The following SPIDR variants were observed in gnomAD, a reference collection of about 807,000 sequenced individuals.
SPIDR encodes the protein scaffold protein involved in DNA repair.
A neutral mutation model predicts 104.6 loss-of-function variants in SPIDR; 93 were observed. The ratio of observed to expected loss-of-function variants is 0.89; its 90% CI spans 0.75 to 1.06. SPIDR has a LOEUF of 1.06. Among genes scored for constraint, SPIDR ranks in the 50% least tolerant of loss-of-function variants. The pLI, the probability that SPIDR is intolerant of heterozygous loss-of-function variation, is 0.00. For synonymous variants in SPIDR, 431 were observed against 416.9 expected (o/e 1.03, Z -0.41); for missense variants, 1,154 against 1,111.2 (o/e 1.04, Z -0.55).
chr8:47,727,219 C>T lies in SPIDR; in HGVS notation c.2361C>T (p.Asp787=), dbSNP rs148626938. The T allele has an allele frequency of 4.0e-4, 652 of 1,614,064 alleles. 2 individuals are homozygous for T. In the African/African-American group the frequency reaches 8.0e-3, roughly 20 times the overall value. ...CSVQGTVVGV[D]ESTAFSWPVC... ...GCCTAGGCACTGTGGTTGGCGTGGACGAGAGCACTGCTTTCTCATGGCCTG... is the reference window on the plus strand; with the variant it reads ...GCCTAGGCACTGTGGTTGGCGTGGATGAGAGCACTGCTTTCTCATGGCCTG... Residue 787 remains aspartate (D), a synonymous_variant, in exon 17 of 20, where the codon GAC becomes GAT. Coordinates refer to ENST00000297423, the MANE Select transcript of SPIDR (RefSeq NM_001080394.4).
intron 10 of SPIDR, among the ~76,000 whole-genome samples, chr8:47,631,000 C>T (rs912533597): frequency 1.3e-5 from 2 of 152,124 alleles, no homozygotes; most frequent in Admixed American, 1.3e-4. Context: ...CAACAACAGC[C>T]CCCAGCACCC....
At chr8:47,595,003 A>AG (rs1387072581) in intron 8 of SPIDR, among the ~76,000 whole-genome samples, 79 of 152,208 alleles carry the variant, frequency 5.2e-4, no homozygotes, top group Non-Finnish European at 1.3e-4. Flanking sequence ...TCTCAAAAAA[A>AG]GAAAAAGAAA....
intron 8 of SPIDR, among the ~76,000 whole-genome samples, chr8:47,564,887 A>G (rs994602216): frequency 6.6e-6 from 1 of 152,154 alleles, no homozygotes; most frequent in Non-Finnish European, 1.5e-5. Flanking sequence ...TCCTTATTGC[A>G]AGAAGTATCA....
intron 6 of SPIDR, among the ~76,000 whole-genome samples, chr8:47,397,491 G>A (rs1554659253): frequency 2.0e-5 from 3 of 152,164 alleles, no homozygotes; most frequent in South Asian, 2.1e-4. Flanking sequence ...GCAAGACTCC[G>A]TCTCTAAAAA....
intron 1 of SPIDR, among the ~76,000 whole-genome samples, chr8:47,264,237 T>C (rs2033341303): frequency 6.6e-6 from 1 of 152,134 alleles, no homozygotes; most frequent in Non-Finnish European, 1.5e-5. Flanking sequence ...GTTGACAGAC[T>C]ACAAATGGAA....
At chr8:47,452,438 A>G (rs1312074204) in intron 8 of SPIDR, among the ~76,000 whole-genome samples, 1 of 152,212 alleles carries the variant, frequency 6.6e-6, no homozygotes, top group African/African-American at 2.4e-5. Flanking sequence ...AATATCCCTG[A>G]TGAACATCAA....
chr8:47,263,493 A>T (rs2033086788), intron 1 of SPIDR, among the ~76,000 whole-genome samples: 2 of 151,822 alleles, frequency 1.3e-5, no homozygotes, highest in African/African-American at 2.4e-5. Context: ...AATTTTTTTT[A>T]AATTTTTATT....
chr8:47,291,029 A>T lies in SPIDR; in HGVS notation c.257-4A>T. 6.2e-7 allele frequency: 1 copy of T among 1,602,934 alleles called. No individual in the cohort carries two copies. The highest frequency in any genetic ancestry group is 1.1e-5 in the South Asian group (1 of 89,314). On this transcript the variant is annotated splice_region_variant and splice_polypyrimidine_tract_variant and intron_variant, in intron 3 of 19. Transcript: ENST00000297423. ...TATTTATGTGCTTTCTTTTCCTTCA[A>T]CAGAAACCACCACATCTAAAAGCAC...
intron 8 of SPIDR, among the ~76,000 whole-genome samples, chr8:47,510,683 C>G (rs2082183595): frequency 1.3e-5 from 2 of 152,004 alleles, no homozygotes; most frequent in South Asian, 4.1e-4. Flanking sequence ...TAGGAAGTTA[C>G]AAGTGAAAAA....
chr8:47,735,650 C>A lies in SPIDR; in HGVS notation c.*200C>A, dbSNP rs2086176910. 9.1e-7 allele frequency: 1 copy of A among 1,098,248 alleles called. No individual in the cohort carries two copies. Among genetic ancestry groups the A allele is most frequent in the South Asian group, 1.7e-5 (1 of 58,580 alleles). 68.0% of individuals were successfully genotyped at this position (1,098,248 alleles called of 1,614,324 possible). ...CAAAATACCTTTTTCTACAGTTTATCTTTTATTTTCTGCAAATTTAGGAAC... is the reference window on the plus strand; with the variant it reads ...CAAAATACCTTTTTCTACAGTTTATATTTTATTTTCTGCAAATTTAGGAAC... On this transcript the variant is annotated 3_prime_UTR_variant, in exon 20 of 20. Transcript: ENST00000297423.
chr8:47,504,123 T>A (rs2081055617), intron 8 of SPIDR, among the ~76,000 whole-genome samples: 1 of 152,236 alleles, frequency 6.6e-6, no homozygotes, highest in Non-Finnish European at 1.5e-5. Flanking sequence ...TTGGAGTTGC[T>A]CTTCTCGAGG....
chr8:47,567,780 C>CTTTTTTTTTTTTTTTT (rs35199139), intron 8 of SPIDR, among the ~76,000 whole-genome samples: 61 of 71,026 alleles, frequency 8.6e-4, no homozygotes, highest in Non-Finnish European at 1.1e-3. Context: ...TTTTCTTTTT[C>CTTTTTTTTTTTTTTTT]TTTTTTTTTT....
At chr8:47,276,069 C>T (rs1447635354) in intron 1 of SPIDR, among the ~76,000 whole-genome samples, 1 of 152,176 alleles carries the variant, frequency 6.6e-6, no homozygotes, top group Non-Finnish European at 1.5e-5. Context: ...CCATGTTCCC[C>T]AGGCTGGTCT....
intron 7 of SPIDR, among the ~76,000 whole-genome samples, chr8:47,425,475 A>G (rs1374943055): frequency 2.0e-5 from 3 of 152,214 alleles, no homozygotes; most frequent in Non-Finnish European, 4.4e-5. Flanking sequence ...AGGACAGGCT[A>G]TGGAAGCGAG....
intron 8 of SPIDR, among the ~76,000 whole-genome samples, chr8:47,455,626 AG>A: frequency 6.6e-6 from 1 of 152,290 alleles, no homozygotes; most frequent in East Asian, 1.9e-4. Flanking sequence ...GCCATCTACA[AG>A]AGAATCAAAT....
intron 8 of SPIDR, among the ~76,000 whole-genome samples, chr8:47,440,819 T>A (rs1174734066): frequency 6.6e-6 from 1 of 152,236 alleles, no homozygotes; most frequent in Non-Finnish European, 1.5e-5. Flanking sequence ...AAGATCTGGC[T>A]GTTTTTGTTT....
chr8:47,636,157 C>G (rs2067889825), intron 10 of SPIDR, among the ~76,000 whole-genome samples: 1 of 152,008 alleles, frequency 6.6e-6, no homozygotes, highest in Admixed American at 6.6e-5. Context: ...ATTTCAAATC[C>G]CTTCATTATT....
In SPIDR at chr8:47,735,818, A is replaced by G. The variant is rs1195908226; in HGVS notation, c.*368A>G. On this transcript the variant is annotated 3_prime_UTR_variant, in exon 20 of 20. Coordinates refer to ENST00000297423, the MANE Select transcript of SPIDR (RefSeq NM_001080394.4). The stretch of plus-strand genomic sequence containing the variant: ...CCATGATTGAACATGTTTTTATTAC[A>G]GTATTTAACATTCCCCCAAAGAATA... 4.8e-6 allele frequency: 2 copies of G among 414,564 alleles called. No homozygotes were observed. Among genetic ancestry groups the G allele is most frequent in the Non-Finnish European group, 8.8e-6 (2 of 228,382 alleles). The allele number at this position is 414,564 out of a possible 1,614,324, so 25.7% of individuals were successfully genotyped here. A position where few individuals can be genotyped will look rare whatever the true frequency, so the allele number is the denominator to read the frequency against.
chr8:47,378,714 C>T (rs1446031689), intron 5 of SPIDR, among the ~76,000 whole-genome samples: 7 of 152,138 alleles, frequency 4.6e-5, no homozygotes, highest in African/African-American at 1.7e-4. Context: ...TTATTTTGCT[C>T]AAGTTTGATT....
Sources: gnomAD v4.1 joint callset for allele counts (sites outside exome capture counted in the v4.1 genomes callset) on GRCh38, gnomAD v4.1.1 for gene constraint, MANE v1.5 for transcripts, NCBI Gene and HGNC (gene_info 2026-07-23, HGNC 2026-07-21) for gene names.